Variants in KHDRBS2 observed in about 807,000 individuals in gnomAD.
KHDRBS2 encodes KH RNA binding domain containing, signal transduction associated 2.
Under a neutral mutation model 44.3 loss-of-function variants are expected in KHDRBS2, and 26 were observed. That is an observed-to-expected ratio of 0.59 (90% CI 0.43 to 0.81). The LOEUF (loss-of-function observed/expected upper bound fraction) is 0.81, where lower values mean the gene tolerates loss of function less well. KHDRBS2 is among the 40% of genes least tolerant of loss of function. The pLI, the probability that KHDRBS2 is intolerant of heterozygous loss-of-function variation, is 0.00. For synonymous variants in KHDRBS2, 194 were observed against 151.1 expected (o/e 1.28, Z -2.08); for missense variants, 476 against 433.1 (o/e 1.10, Z -0.88).
At chr6:62,198,997 T>G (rs1193865142) in intron 1 of KHDRBS2, among the ~76,000 whole-genome samples, 1 of 152,158 alleles carries the variant, frequency 6.6e-6, no homozygotes, top group Non-Finnish European at 1.5e-5. Context: ...CACATGATTA[T>G]CTCAATAGAT....
intron 3 of KHDRBS2, among the ~76,000 whole-genome samples, chr6:62,026,206 A>G (rs1783275350): frequency 1.3e-5 from 2 of 151,486 alleles, no homozygotes; most frequent in African/African-American, 4.8e-5. Flanking sequence ...TTTCTTATAT[A>G]AATGACAGAA....
At chr6:62,232,470 A>C (rs1833039987) in intron 1 of KHDRBS2, among the ~76,000 whole-genome samples, 1 of 152,142 alleles carries the variant, frequency 6.6e-6, no homozygotes. Flanking sequence ...ATTCTAAGGA[A>C]GTAAGTTCAA....
chr6:61,549,069 C>A, the KHDRBS2 span, among the ~76,000 whole-genome samples: 1 of 152,048 alleles, frequency 6.6e-6, no homozygotes, highest in African/African-American at 2.4e-5. Flanking sequence ...GAAATGTAAA[C>A]ATAACGTGAA....
intron 1 of KHDRBS2, among the ~76,000 whole-genome samples, chr6:62,184,477 A>G (rs1234449335): frequency 1.3e-5 from 2 of 151,792 alleles, no homozygotes; most frequent in Admixed American, 6.6e-5. Flanking sequence ...GAGCATATAT[A>G]ATACATATTA....
chr6:61,811,134 T>C lies in KHDRBS2; in HGVS notation c.811-78370A>G, dbSNP rs1391212801. On this transcript the variant is annotated intron_variant, in intron 6 of 8. Transcript: ENST00000281156. ...TCCTTCCCTTTTTTGGAGTCTCCAA[T>C]GTCTATTGTTTCCATCTTTATGCCC... Among the ~76,000 whole-genome samples the C allele has an allele frequency of 2.0e-5, 3 of 152,222 alleles. No individual in the cohort carries two copies. In the East Asian group the frequency reaches 5.8e-4, roughly 29 times the overall value.
chr6:61,560,339 A>G, the KHDRBS2 span, among the ~76,000 whole-genome samples: 1 of 152,256 alleles, frequency 6.6e-6, no homozygotes, highest in South Asian at 2.1e-4. Flanking sequence ...GTACTGGAAT[A>G]CTGATAACTT....
chr6:61,613,099 G>T, the KHDRBS2 span, among the ~76,000 whole-genome samples: 235 of 152,056 alleles, frequency 1.5e-3, 1 homozygote, highest in Middle Eastern at 3.4e-3. Flanking sequence ...TGATCCTCCC[G>T]CCTTGGCCTC....
chr6:61,955,301 CAT>C (rs1261765338), intron 4 of KHDRBS2, among the ~76,000 whole-genome samples: 56 of 141,388 alleles, frequency 4.0e-4, no homozygotes, highest in Admixed American at 3.6e-3. Context: ...TGTATGTATA[CAT>C]ATATATGTAT....
chr6:61,543,223 G>A, the KHDRBS2 span, among the ~76,000 whole-genome samples: 2 of 151,768 alleles, frequency 1.3e-5, no homozygotes, highest in African/African-American at 4.8e-5. Context: ...TCTGACAAGG[G>A]ACTAATAAAG....
chr6:61,633,768 A>C, the KHDRBS2 span, among the ~76,000 whole-genome samples: 1,910 of 150,606 alleles, frequency 0.013, 30 homozygotes, highest in African/African-American at 0.044. Flanking sequence ...TTCTTTATTA[A>C]AAGAGTATAT....
the KHDRBS2 span, among the ~76,000 whole-genome samples, chr6:61,556,252 G>A: frequency 6.6e-6 from 1 of 152,220 alleles, no homozygotes; most frequent in Non-Finnish European, 1.5e-5. Context: ...AGGGGGCAGA[G>A]CTACTGGTGG....
At chr6:61,947,535 A>C (rs1213716601) in intron 4 of KHDRBS2, among the ~76,000 whole-genome samples, 1 of 152,142 alleles carries the variant, frequency 6.6e-6, no homozygotes, top group Non-Finnish European at 1.5e-5. Context: ...GGAAGGGCTA[A>C]GGGGAAATGC....
intron 6 of KHDRBS2, among the ~76,000 whole-genome samples, chr6:61,772,886 C>T (rs959631489): frequency 7.9e-5 from 12 of 151,966 alleles, no homozygotes; most frequent in African/African-American, 1.7e-4. Flanking sequence ...TGAGAATATG[C>T]GGTGTTTGGT....
the KHDRBS2 span, among the ~76,000 whole-genome samples, chr6:61,593,388 G>A: frequency 5.5e-4 from 84 of 151,724 alleles, no homozygotes; most frequent in African/African-American, 2.0e-3. Flanking sequence ...TAAAAATTTA[G>A]GATTTAGTCT....
rs771092298 is a variant in KHDRBS2 at position 62,253,730 on chromosome 6, T to C, written c.91+32128A>G. Among the ~76,000 whole-genome samples the C allele has an allele frequency of 7.1e-4, 108 of 152,058 alleles. 1 individual carries two copies. The highest frequency in any genetic ancestry group is 6.3e-4 in the Non-Finnish European group (43 of 67,974). ...TTATTACAATAACAGCCTGTGTCCC[T>C]GGAGTCCATATTTCCATCTGACCCT... On this transcript the variant is annotated intron_variant, in intron 1 of 8. Coordinates refer to ENST00000281156, the MANE Select transcript of KHDRBS2 (RefSeq NM_152688.4).
At chr6:61,934,365 A>G (rs1810646327) in intron 4 of KHDRBS2, among the ~76,000 whole-genome samples, 1 of 152,144 alleles carries the variant, frequency 6.6e-6, no homozygotes, top group African/African-American at 2.4e-5. Flanking sequence ...TATCCAAAAA[A>G]TCCTTGCCCA....
the KHDRBS2 span, among the ~76,000 whole-genome samples, chr6:61,668,302 G>T: frequency 0.011 from 1,726 of 151,004 alleles, 7 homozygotes; most frequent in Middle Eastern, 0.027. Flanking sequence ...TGCATAATAT[G>T]CAGTATTTAT....
chr6:61,683,604 A>G (rs1699386102), intron 8 of KHDRBS2, among the ~76,000 whole-genome samples: 1 of 151,936 alleles, frequency 6.6e-6, no homozygotes, highest in African/African-American at 2.4e-5. Flanking sequence ...TTAATTAGAA[A>G]TCTTATATAT....
intron 6 of KHDRBS2, among the ~76,000 whole-genome samples, chr6:61,751,085 T>C (rs1432168832): frequency 6.6e-6 from 1 of 152,174 alleles, no homozygotes; most frequent in African/African-American, 2.4e-5. Flanking sequence ...CATTTATTGT[T>C]AAGAAGCTGC....
Sources: allele counts gnomAD v4.1 joint callset (sites outside exome capture counted in the v4.1 genomes callset), GRCh38; gene constraint gnomAD v4.1.1; transcripts MANE v1.5; gene names NCBI Gene and HGNC (gene_info 2026-07-23, HGNC 2026-07-21).